DOCK11: variants seen among roughly 807,000 people sequenced by gnomAD.
DOCK11 encodes the protein dedicator of cytokinesis protein 11.
In DOCK11, 70 loss-of-function variants were observed where a neutral mutation model predicts 169.1. That is an observed-to-expected ratio of 0.41 (90% CI 0.34 to 0.51). The LOEUF (loss-of-function observed/expected upper bound fraction) is 0.51. DOCK11 is among the 20% of genes least tolerant of loss of function. DOCK11 has a pLI of 0.10. For missense variants in DOCK11, 1,166 were observed against 1,538.8 expected (o/e 0.76, Z 4.05); for synonymous variants, 529 against 541.3 (o/e 0.98, Z 0.32).
At chrX:118,627,030 G>A (rs1452267289) in intron 32 of DOCK11, among the ~76,000 whole-genome samples, 2 of 111,992 alleles carry the variant, frequency 1.8e-5, no homozygotes, top group Non-Finnish European at 3.8e-5. Context: ...AGGAGTTTGA[G>A]ACCAACCTAG....
intron 33 of DOCK11, 92 bp from the exon 34 acceptor site, chrX:118,628,071 A>G (rs2015149883): frequency 2.0e-6 from 1 of 504,732 alleles, no homozygotes; most frequent in Admixed American, 3.6e-5. Context: ...TCCCTACATT[A>G]ATGTCTCTAC....
rs2013936867 is a variant in DOCK11 at position 118,590,084 on chromosome X, C to T, written c.2047-126C>T. 1.2e-5 allele frequency: 6 copies of T among 511,743 alleles called. No homozygotes were observed. In the South Asian group the frequency reaches 1.6e-4, roughly 13 times the overall value. The allele number at this position is 511,743 out of a possible 1,213,427, so 42.2% of individuals were successfully genotyped here. A position where few individuals can be genotyped will look rare whatever the true frequency, so the allele number is the denominator to read the frequency against. The stretch of plus-strand genomic sequence containing the variant: ...AAATGATTGGGAATTTACAGGCTCA[C>T]GGTGACTGCCAGGTGGGCTTGGCCA... On this transcript the variant is annotated intron_variant, in intron 18 of 52. Coordinates refer to ENST00000276202, the MANE Select transcript of DOCK11 (RefSeq NM_144658.4).
intron 24 of DOCK11, 91 bp downstream of exon 24, chrX:118,605,447 T>C (rs2014472266): frequency 5.1e-6 from 3 of 583,690 alleles, no homozygotes; most frequent in Non-Finnish European, 8.2e-6. Context: ...AACTTCCCTC[T>C]TAGAACTGCT....
intron 23 of DOCK11, among the ~76,000 whole-genome samples, chrX:118,599,967 G>C (rs1366134834): frequency 8.9e-6 from 1 of 111,938 alleles, no homozygotes; most frequent in Non-Finnish European, 1.9e-5. Context: ...ATGGGTTCTG[G>C]AATCATAAAC....
intron 36 of DOCK11, among the ~76,000 whole-genome samples, chrX:118,637,019 A>G (rs767586451): frequency 1.7e-3 from 187 of 112,850 alleles, no homozygotes; most frequent in Non-Finnish European, 2.9e-3. Flanking sequence ...TTAAATAAAT[A>G]GTACACGTAT....
chrX:118,645,644 A>G (rs965942922), intron 40 of DOCK11, among the ~76,000 whole-genome samples: 2 of 110,026 alleles, frequency 1.8e-5, no homozygotes, highest in Non-Finnish European at 3.8e-5. Flanking sequence ...CCTGGGTGAC[A>G]GGGCAAGATT....
chrX:118,647,725 TTAATA>T (rs1241219663), intron 40 of DOCK11, among the ~76,000 whole-genome samples: 630 of 44,692 alleles, frequency 0.014, 6 homozygotes, highest in South Asian at 0.042. Context: ...TATATAATAA[TTAATA>T]TAATATAATA....
intron 6 of DOCK11, among the ~76,000 whole-genome samples, chrX:118,546,805 CATG>C (rs1169195740): frequency 9.0e-6 from 1 of 110,716 alleles, no homozygotes; most frequent in East Asian, 2.8e-4. Flanking sequence ...GCCTGTGCAA[CATG>C]ATGAAACCCC....
At chrX:118,682,787 T>C (rs754081076) in intron 51 of DOCK11, among the ~76,000 whole-genome samples, 2 of 112,097 alleles carry the variant, frequency 1.8e-5, no homozygotes, top group East Asian at 2.8e-4. Flanking sequence ...AGCACAACTT[T>C]AGCTGATAGA....
intron 39 of DOCK11, among the ~76,000 whole-genome samples, chrX:118,641,584 TTAAG>T (rs1290891789): frequency 1.8e-5 from 2 of 111,494 alleles, no homozygotes; most frequent in Non-Finnish European, 3.8e-5. Context: ...TTTCCATACT[TTAAG>T]TAGCCAGCAA....
chrX:118,640,921 G>A (rs748287979), intron 38 of DOCK11, among the ~76,000 whole-genome samples: 1 of 111,147 alleles, frequency 9.0e-6, no homozygotes, highest in South Asian at 3.8e-4. Flanking sequence ...AGCCTCCTGA[G>A]TAGCTGGGAT....
chrX:118,564,617 TTC>T (rs1160910631), intron 7 of DOCK11, among the ~76,000 whole-genome samples: 1 of 112,013 alleles, frequency 8.9e-6, no homozygotes, highest in East Asian at 2.8e-4. Context: ...GTCTTATTTT[TTC>T]TTTCTTTTTT....
At chrX:118,660,638 G>C (rs1176096432) in intron 44 of DOCK11, among the ~76,000 whole-genome samples, 1 of 108,096 alleles carries the variant, frequency 9.3e-6, no homozygotes, top group Non-Finnish European at 1.9e-5. Context: ...CTAATTTTTT[G>C]TATTTTTTTT....
Position 118,574,068 on chromosome X carries a change from A to C in DOCK11, c.1389+50A>C, listed in dbSNP as rs777921446. On this transcript the variant is annotated intron_variant, in intron 12 of 52. Transcript: ENST00000276202. ...CAGCGTATTCAGAATAAGAAACAGA[A>C]ATATTCTTGTATTATTTCATGGTTT... 8.2e-6 allele frequency: 9 copies of C among 1,099,435 alleles called. No individual in the cohort carries two copies. In the East Asian group the frequency reaches 2.5e-4, roughly 30 times the overall value. The allele number at this position is 1,099,435 out of a possible 1,213,427, so 90.6% of individuals were successfully genotyped here.
intron 46 of DOCK11, among the ~76,000 whole-genome samples, chrX:118,673,530 C>T (rs755425890): frequency 1.8e-4 from 20 of 111,711 alleles, no homozygotes; most frequent in Non-Finnish European, 2.8e-4. Context: ...CTCTATGGAA[C>T]GGGCTGAAAA....
chrX:118,518,101 G>A (rs1359240163), intron 1 of DOCK11, among the ~76,000 whole-genome samples: 1 of 111,890 alleles, frequency 8.9e-6, no homozygotes, highest in Non-Finnish European at 1.9e-5. Context: ...AGGATTTGTG[G>A]TCATGATTTT....
intron 14 of DOCK11, among the ~76,000 whole-genome samples, chrX:118,584,382 A>G (rs1460837556): frequency 1.8e-5 from 2 of 112,587 alleles, no homozygotes; most frequent in Non-Finnish European, 3.7e-5. Context: ...TATGTAGTTC[A>G]TTTTGAGCAG....
At chrX:118,683,274 C>G in intron 52 of DOCK11, 57 bp downstream of exon 52, 1 of 1,141,578 alleles carries the variant, frequency 8.8e-7, no homozygotes, top group Non-Finnish European at 1.2e-6. Flanking sequence ...AAAATTGTTG[C>G]TTAGCAAAAT....
intron 9 of DOCK11, among the ~76,000 whole-genome samples, chrX:118,567,779 A>G (rs1248644855): frequency 1.8e-5 from 2 of 111,693 alleles, no homozygotes; most frequent in Non-Finnish European, 3.8e-5. Flanking sequence ...TTCCCTCTCA[A>G]TCTTTGTCAT....
Sources: allele counts gnomAD v4.1 joint callset (sites outside exome capture counted in the v4.1 genomes callset), GRCh38; gene constraint gnomAD v4.1.1; transcripts MANE v1.5; gene names NCBI Gene and HGNC (gene_info 2026-07-23, HGNC 2026-07-21).